The following LMNTD2 variants were observed in gnomAD, a reference collection of about 807,000 sequenced individuals.
LMNTD2 encodes lamin tail domain containing 2.
Under a neutral mutation model 70.1 loss-of-function variants are expected in LMNTD2, and 83 were observed. The ratio of observed to expected loss-of-function variants is 1.18; its 90% CI spans 0.99 to 1.42. The LOEUF is 1.42. Ranked by LOEUF, LMNTD2 falls within the 40% of genes most tolerant of loss-of-function variation. The pLI, the probability that LMNTD2 is intolerant of heterozygous loss-of-function variation, is 0.00. For synonymous variants in LMNTD2, 534 were observed against 406.1 expected (o/e 1.31, Z -3.79); for missense variants, 1,153 against 905.9 (o/e 1.27, Z -3.50).
Position 558,020 on chromosome 11 carries a change from T to C in LMNTD2, c.419A>G (p.Glu140Gly), listed in dbSNP as rs1340299862. 2 of 1,579,926 alleles carry C rather than the reference T, an allele frequency of 1.3e-6. No homozygotes were observed. The highest frequency in any genetic ancestry group is 1.7e-6 in the Non-Finnish European group (2 of 1,160,956). Residue 140 changes from glutamate to glycine, a missense_variant, in exon 5 of 14, where the codon GAG (glutamate) becomes GGG (glycine). Transcript: ENST00000329451. ...RAQWEKEHLE[E>G]RLLQTTRTLQ... The stretch of plus-strand genomic sequence containing the variant: ...CGTGCGGGTGGTCTGCAGCAGCCGC[T>C]CCTCCAGGTGCTCCTTCTCCTGCTC...
In LMNTD2 at chr11:557,447, C is replaced by T. The variant is rs754636615; in HGVS notation, c.665G>A (p.Arg222His). 10 of 1,609,180 alleles carry T rather than the reference C, an allele frequency of 6.2e-6. No homozygotes were observed. The East Asian group carries it at 1.8e-4, about 29-fold the overall frequency. Reference protein sequence around the residue: ...LEDVDWNSVARRYPNLFTNME... With the variant: ...LEDVDWNSVAHRYPNLFTNME... ...GTTGGTGAAGAGGTTGGGATACCGG[C>T]GGGCAACGCTGTTCCAATCCACGTC... The change falls in exon 7 of 14, where the codon CGC (arginine) becomes CAC (histidine). Residue 222 changes from arginine (R) to histidine (H), a missense_variant. Physicochemically the swap from Arg to His is conservative, Grantham distance 29. Coordinates refer to ENST00000329451, the MANE Select transcript of LMNTD2 (RefSeq NM_173573.3).
rs2134096222 is a variant in LMNTD2 at position 556,504 on chromosome 11, T to G, written c.1061A>C (p.Glu354Ala). Residue 354 changes from glutamate (E) to alanine (A), a missense_variant, in exon 9 of 14, where the codon GAA becomes GCA. Glu to Ala is a moderately radical substitution (Grantham distance 107). Transcript: ENST00000329451. ...PCTDPDHWSP[E>A]LLQSPTGLKI... ...ACTCGCCCCTTACCTCTGCAGGAGTTCCGGGCTCCAGTGGTCCGGGTCTGT... is the reference window on the plus strand; with the variant it reads ...ACTCGCCCCTTACCTCTGCAGGAGTGCCGGGCTCCAGTGGTCCGGGTCTGT... 1 of 1,552,388 alleles carries G rather than the reference T, an allele frequency of 6.4e-7. No homozygotes were observed. Among genetic ancestry groups the G allele is most frequent in the East Asian group, 2.4e-5 (1 of 41,176 alleles).
In LMNTD2 at chr11:555,068, A is replaced by AGGGCCACCAGGGGGCAGCTAC. The variant is rs768007646; in HGVS notation, c.1796_1816dup (p.Arg599_Ala605dup). ...GCTCTCCGCCGTGTTCTGCACCGAC[A>AGGGCCACCAGGGGGCAGCTAC]GGGCCACCAGGGGGCAGCTACGGTC... is the stretch of plus-strand genomic sequence containing the variant. On this transcript the variant is annotated inframe_insertion, in exon 14 of 14. Coordinates refer to ENST00000329451, the MANE Select transcript of LMNTD2 (RefSeq NM_173573.3). 6.3e-7 allele frequency: 1 copy of AGGGCCACCAGGGGGCAGCTAC among 1,577,666 alleles called. No individual in the cohort carries two copies. The highest frequency in any genetic ancestry group is 1.4e-5 in the African/African-American group (1 of 70,386).
At position 555,503 on chromosome 11, in the gene LMNTD2, C is replaced by T. The variant is rs934435826; in HGVS notation, c.1575G>A (p.Gly525=). ...TCACTGGGGGCAGCAGGCCCCGCGTCCTGGTGGGGCGAGGGTCGTGAGGGC... is the reference window on the plus strand; with the variant it reads ...TCACTGGGGGCAGCAGGCCCCGCGTTCTGGTGGGGCGAGGGTCGTGAGGGC... ...REPRVSRRRP[G]TRGLLPPVSS... The change falls in exon 13 of 14, where the codon GGG becomes GGA. Residue 525 remains glycine (G), a splice_region_variant and synonymous_variant. Transcript: ENST00000329451. 5.9e-6 allele frequency: 8 copies of T among 1,360,540 alleles called. No homozygotes were observed. In the South Asian group the frequency reaches 1.1e-4, roughly 19 times the overall value. The allele number at this position is 1,360,540 out of a possible 1,614,324, so 84.3% of individuals were successfully genotyped here.
Position 558,725 on chromosome 11 carries a change from A to G in LMNTD2, c.200T>C (p.Leu67Pro), listed in dbSNP as rs570166990. Residue 67 changes from leucine to proline, a missense_variant, in exon 3 of 14, where the codon CTG becomes CCG. Physicochemically the swap from Leu to Pro is moderately conservative, Grantham distance 98 (BLOSUM62 -3). Coordinates refer to ENST00000329451, the MANE Select transcript of LMNTD2 (RefSeq NM_173573.3). ...ESLDPRTLRL[L>P]WRQRELEIQA... ...GATCTCCAGTTCTCGCTGTCTCCACAGCAGCCGCAGTGTGCGAGGGTCCAG... is the reference window on the plus strand; with the variant it reads ...GATCTCCAGTTCTCGCTGTCTCCACGGCAGCCGCAGTGTGCGAGGGTCCAG... 2 of 1,607,712 alleles carry G rather than the reference A, an allele frequency of 1.2e-6. No individual in the cohort carries two copies. The highest frequency in any genetic ancestry group is 1.8e-4 in the Middle Eastern group (1 of 5,648).
Position 556,597 on chromosome 11 carries a change from A to T in LMNTD2, c.977-9T>A, listed in dbSNP as rs1309367583. The T allele has an allele frequency of 6.6e-7, 1 of 1,513,674 alleles. No homozygotes were observed. The highest frequency in any genetic ancestry group is 2.3e-5 in the Admixed American group (1 of 44,396). 93.8% of individuals were successfully genotyped at this position (1,513,674 alleles called of 1,614,324 possible). ...GTGGGTTTTCTGGAGATCTAGAGAG[A>T]GCAGCGCTTTTGGGGAGGGGACCCT... is the stretch of plus-strand genomic sequence containing the variant. On this transcript the variant is annotated splice_polypyrimidine_tract_variant and intron_variant, in intron 8 of 13. Coordinates refer to ENST00000329451, the MANE Select transcript of LMNTD2 (RefSeq NM_173573.3).
chr11:557,063 T>G lies in LMNTD2; in HGVS notation c.748A>C (p.Ser250Arg), dbSNP rs755875504. 4 of 1,606,270 alleles carry G rather than the reference T, an allele frequency of 2.5e-6. No individual in the cohort carries two copies. The highest frequency in any genetic ancestry group is 3.4e-5 in the Admixed American group (2 of 59,552). Residue 250 changes from serine to arginine, a missense_variant, in exon 8 of 14, where the codon AGC (serine) becomes CGC (arginine). Ser to Arg is a moderately radical substitution (Grantham distance 110, BLOSUM62 -1). Coordinates refer to ENST00000329451, the MANE Select transcript of LMNTD2 (RefSeq NM_173573.3). ...GAATGCTTTCCAGAGGACTCTGGGC[T>G]CCCTGTGTCCAGCTGTGGCCAGGGC... ...PRPWPQLDTG[S>R]PESSGKHSER... is the part of the protein sequence containing the mutation.
chr11:558,083 T>C, intron 4 of LMNTD2, 44 bp from the exon 5 acceptor site: 1 of 1,593,752 alleles, frequency 6.3e-7, no homozygotes, highest in Non-Finnish European at 8.5e-7. Flanking sequence ...GGGTGTCTTC[T>C]GCAGAAGGCC....
rs1852872821 is a variant in LMNTD2, at chr11:556,364, A to G, written c.1085T>C (p.Leu362Pro). ...CCGGCAGCTCACAGCCACGATCTTC[A>G]GGCCTGTCGGGCTGGGAAGAGAGGA... ...SPELLQSPTGLKIVAVSCREK... is the reference protein window; with the variant it reads ...SPELLQSPTGPKIVAVSCREK... The change falls in exon 10 of 14, where the codon CTG becomes CCG. Residue 362 changes from leucine to proline, a missense_variant. Physicochemically the swap from Leu to Pro is moderately conservative, Grantham distance 98. Transcript: ENST00000329451. 3 of 1,536,104 alleles carry G rather than the reference A, an allele frequency of 2.0e-6. No homozygotes were observed. The highest frequency in any genetic ancestry group is 2.7e-5 in the African/African-American group (2 of 73,130).
In LMNTD2 at chr11:558,207, T is replaced by A; in HGVS notation, c.353A>T (p.Gln118Leu). Reference sequence around the variant, plus strand: ...TTCCTTCAACTCCTGGATCAGCTTCTGGACCTGGTTCTGCAGGAGTTTCTC... The same window carrying A: ...TTCCTTCAACTCCTGGATCAGCTTCAGGACCTGGTTCTGCAGGAGTTTCTC... ...SQEKLLQNQV[Q>L]KLIQELKEQK... Residue 118 changes from glutamine (Q) to leucine (L), a missense_variant, in exon 4 of 14, where the codon CAG (glutamine) becomes CTG (leucine). Gln to Leu is a moderately radical substitution (Grantham distance 113). Coordinates refer to ENST00000329451, the MANE Select transcript of LMNTD2 (RefSeq NM_173573.3). 6.2e-7 allele frequency: 1 copy of A among 1,613,616 alleles called. No individual in the cohort carries two copies.
Position 554,851 on chromosome 11 carries a change from C to G in LMNTD2, c.*129G>C, listed in dbSNP as rs958710966. On this transcript the variant is annotated 3_prime_UTR_variant, in exon 14 of 14. Coordinates refer to ENST00000329451, the MANE Select transcript of LMNTD2 (RefSeq NM_173573.3). Reference sequence around the variant, plus strand: ...AACCCAAACCAACATTTCCAGCTCTCAGGTGTACAGAAATGCGGTTTACTT... The same window carrying G: ...AACCCAAACCAACATTTCCAGCTCTGAGGTGTACAGAAATGCGGTTTACTT... The G allele has an allele frequency of 2.7e-5, 18 of 656,286 alleles. No individual in the cohort carries two copies. The highest frequency in any genetic ancestry group is 4.3e-5 in the Non-Finnish European group (18 of 417,010). The allele number at this position is 656,286 out of a possible 1,614,324, so 40.7% of individuals were successfully genotyped here.
chr11:558,508 G>A, intron 3 of LMNTD2, 106 bp downstream of exon 3: 1 of 1,386,020 alleles, frequency 7.2e-7, no homozygotes, highest in Non-Finnish European at 9.7e-7. Flanking sequence ...GGGCAAGGAT[G>A]AGGGTAAGGA....
intron 3 of LMNTD2, 174 bp from the exon 4 acceptor site, chr11:558,422 A>G: frequency 9.5e-7 from 1 of 1,050,300 alleles, no homozygotes. Flanking sequence ...ACAAGGGTCT[A>G]GCACCCATCC....
In LMNTD2 at chr11:555,436, G is replaced by A. The variant is rs1482361269; in HGVS notation, c.1642C>T (p.Pro548Ser). ...GGCGCGGGGATCTCGGGGTTCTCGG[G>A]CCGCGCAGGCCCCTCCCGCGCGTGG... ...LFHAREGPAR[P>S]ENPEIPAPQH... Residue 548 changes from proline to serine, a missense_variant, in exon 13 of 14, where the codon CCC becomes TCC. Pro to Ser is a moderately conservative substitution (Grantham distance 74). Transcript: ENST00000329451. 4 of 1,386,882 alleles carry A rather than the reference G, an allele frequency of 2.9e-6. No individual in the cohort carries two copies. Among genetic ancestry groups the A allele is most frequent in the African/African-American group, 3.0e-5 (2 of 65,966 alleles). The allele number at this position is 1,386,882 out of a possible 1,614,324, so 85.9% of individuals were successfully genotyped here.
Position 555,461 on chromosome 11 carries a change from G to C in LMNTD2, c.1617C>G (p.Phe539Leu). The stretch of plus-strand genomic sequence containing the variant: ...GCCGCGCAGGCCCCTCCCGCGCGTG[G>C]AAGAGCTTCCCCGAGCTCACTGGGG... ...LLPPVSSGKLFHAREGPARPE... is the reference protein window; with the variant it reads ...LLPPVSSGKLLHAREGPARPE... The change falls in exon 13 of 14, where the codon TTC becomes TTG. Residue 539 changes from phenylalanine to leucine, a missense_variant. Coordinates refer to ENST00000329451, the MANE Select transcript of LMNTD2 (RefSeq NM_173573.3). 1.4e-6 allele frequency: 2 copies of C among 1,381,520 alleles called. No individual in the cohort carries two copies. The highest frequency in any genetic ancestry group is 1.9e-6 in the Non-Finnish European group (2 of 1,074,100). The allele number at this position is 1,381,520 out of a possible 1,614,324, so 85.6% of individuals were successfully genotyped here. A position where few individuals can be genotyped will look rare whatever the true frequency, so the allele number is the denominator to read the frequency against.
intron 1 of LMNTD2, 160 bp downstream of exon 1, chr11:560,523 C>T: frequency 1.6e-6 from 2 of 1,276,512 alleles, no homozygotes; most frequent in Non-Finnish European, 2.0e-6. Flanking sequence ...CGGTAGGCCC[C>T]AAAGGCTGGC....
Position 558,883 on chromosome 11 carries a change from G to A in LMNTD2, c.131C>T (p.Ala44Val). 1.2e-6 allele frequency: 2 copies of A among 1,609,802 alleles called. No homozygotes were observed. The highest frequency in any genetic ancestry group is 2.2e-5 in the East Asian group (1 of 44,824). ...TCLPDTTPHP[A>V]PVVCSADPQL... Reference sequence around the variant, plus strand: ...CGGGTCGGCAGAGCAGACCACCGGTGCGGGGTGGGGCGTGGTGTCTGGCAG... The same window carrying A: ...CGGGTCGGCAGAGCAGACCACCGGTACGGGGTGGGGCGTGGTGTCTGGCAG... Residue 44 changes from alanine to valine, a missense_variant, in exon 2 of 14, where the codon GCA becomes GTA. Ala to Val is a moderately conservative substitution (Grantham distance 64, BLOSUM62 0). Transcript: ENST00000329451.
In LMNTD2 at chr11:556,543, G is replaced by C. The variant is rs1443156509; in HGVS notation, c.1022C>G (p.Ser341Trp). The change falls in exon 9 of 14, where the codon TCG becomes TGG. Residue 341 changes from serine (S) to tryptophan (W), a missense_variant. Transcript: ENST00000329451. ...GTCCGGGTCTGTGCAGGGCTGGGGC[G>C]ACAGGACCGGCTCGCCGTGCCTGGG... ...HSPRHGEPVL[S>W]PQPCTDPDHW... is the part of the protein sequence containing the mutation. 2 of 1,560,938 alleles carry C rather than the reference G, an allele frequency of 1.3e-6. No homozygotes were observed. Among genetic ancestry groups the C allele is most frequent in the Middle Eastern group, 1.7e-4 (1 of 6,014 alleles).
intron 3 of LMNTD2, 79 bp downstream of exon 3, chr11:558,535 G>C: frequency 1.3e-6 from 2 of 1,497,566 alleles, no homozygotes; most frequent in Non-Finnish European, 1.8e-6. Context: ...TCAGCGGTTG[G>C]GGTTGGGGTC....
Sources: allele counts gnomAD v4.1 joint callset, GRCh38; gene constraint gnomAD v4.1.1; transcripts MANE v1.5; gene names NCBI Gene and HGNC (gene_info 2026-07-23, HGNC 2026-07-21).